Variants in SCX observed in about 807,000 individuals in gnomAD.
SCX encodes the protein basic helix-loop-helix transcription factor scleraxis.
In SCX, 7 loss-of-function variants were observed where a neutral mutation model predicts 12.2. That is an observed-to-expected ratio of 0.57 (90% CI 0.33 to 1.08). The LOEUF (loss-of-function observed/expected upper bound fraction) is 1.08. Ranked by LOEUF, SCX falls within the 50% of genes least tolerant of loss-of-function variation. The pLI, the probability that SCX is intolerant of heterozygous loss-of-function variation, is 0.04. For missense variants in SCX, 342 were observed against 337.2 expected, an observed-to-expected ratio of 1.01 and a Z score of -0.11; for synonymous variants, 193 against 163.9, an observed-to-expected ratio of 1.18 and a Z score of -1.36.
In SCX at chr8:144,266,525, G is replaced by A. The variant is rs1180344497; in HGVS notation, c.-89G>A. On this transcript the variant is annotated 5_prime_UTR_variant, in exon 1 of 2. Transcript: ENST00000567180. ...GGGCGCAGCCGAGACCCCGCGCCTC[G>A]CCCCGGCCGGCCCGCGAGGCCCGCG... is the stretch of plus-strand genomic sequence containing the variant. 1.1e-5 allele frequency: 11 copies of A among 990,400 alleles called. No individual in the cohort carries two copies. Among genetic ancestry groups the A allele is most frequent in the African/African-American group, 1.8e-5 (1 of 56,836 alleles). The allele number at this position is 990,400 out of a possible 1,614,324, so 61.4% of individuals were successfully genotyped here. A position where few individuals can be genotyped will look rare whatever the true frequency, so the allele number is the denominator to read the frequency against.
Position 144,268,286 on chromosome 8 carries a change from GC to G in SCX, c.*146del. Reference sequence around the variant, plus strand: ...CAGGCCAGCCCTGGCTGCGAGCGGGGCCGAGGGACAGACGGACGTACAGACA... The same window carrying G: ...CAGGCCAGCCCTGGCTGCGAGCGGGGCGAGGGACAGACGGACGTACAGACA... On this transcript the variant is annotated 3_prime_UTR_variant, in exon 2 of 2. Coordinates refer to ENST00000567180, the MANE Select transcript of SCX (RefSeq NM_001080514.3). The G allele has an allele frequency of 8.0e-7, 1 of 1,243,194 alleles. No individual in the cohort carries two copies. The highest frequency in any genetic ancestry group is 2.5e-5 in the East Asian group (1 of 39,240). The allele number at this position is 1,243,194 out of a possible 1,614,324, so 77.0% of individuals were successfully genotyped here.
Position 144,268,092 on chromosome 8 carries a change from TCCC to T in SCX, c.568-10_568-8del. ...TCTGCCGGGGCCTGACACTCCTCCC[TCCC>T]CTCTGCAGAGCAAGGACCGCGACAG... On this transcript the variant is annotated splice_polypyrimidine_tract_variant and intron_variant, in intron 1 of 1. Coordinates refer to ENST00000567180, the MANE Select transcript of SCX (RefSeq NM_001080514.3). 1 of 1,550,394 alleles carries T rather than the reference TCCC, an allele frequency of 6.4e-7. No homozygotes were observed. Among genetic ancestry groups the T allele is most frequent in the Non-Finnish European group, 8.7e-7 (1 of 1,146,960 alleles).
At position 144,266,836 on chromosome 8, in the gene SCX, C is replaced by A. The variant is rs1371818907; in HGVS notation, c.223C>A (p.Arg75=). The stretch of plus-strand genomic sequence containing the variant: ...AGGGGGCCGGCCAGGCCGTGAGCCC[C>A]GGCAGCGGCACACGGCGAACGCGCG... ...GPGGRPGREP[R]QRHTANARER... Residue 75 remains arginine, a synonymous_variant, in exon 1 of 2, where the codon CGG becomes AGG. Coordinates refer to ENST00000567180, the MANE Select transcript of SCX (RefSeq NM_001080514.3). 7,038 of 1,314,998 alleles carry A rather than the reference C, an allele frequency of 5.4e-3. 24 individuals carry two copies. The highest frequency in any genetic ancestry group is 6.6e-3 in the Non-Finnish European group (6,713 of 1,019,294). 81.5% of individuals were successfully genotyped at this position (1,314,998 alleles called of 1,614,324 possible). A position where few individuals can be genotyped will look rare whatever the true frequency, so the allele number is the denominator to read the frequency against.
Position 144,266,730 on chromosome 8 carries a change from C to A in SCX, c.117C>A (p.Pro39=). The change falls in exon 1 of 2, where the codon CCC becomes CCA. Residue 39 remains proline (P), a synonymous_variant. Transcript: ENST00000567180. The stretch of plus-strand genomic sequence containing the variant: ...ACAGCTCGGGCTCCGACGAGAAACC[C>A]TGTCGCGTGCACGCGGCGCGCTGCG... ...GSDSSGSDEK[P]CRVHAARCGL... 8.9e-7 allele frequency: 1 copy of A among 1,125,726 alleles called. No homozygotes were observed. The highest frequency in any genetic ancestry group is 1.1e-6 in the Non-Finnish European group (1 of 909,148). 69.7% of individuals were successfully genotyped at this position (1,125,726 alleles called of 1,614,324 possible).
At position 144,266,955 on chromosome 8, in the gene SCX, T is replaced by C; in HGVS notation, c.342T>C (p.Ile114=). ...CCGCCGACCGCAAGCTCTCCAAGAT[T>C]GAGACGCTGCGCCTGGCCTCCAGCT... ...TEPADRKLSK[I]ETLRLASSYI... Residue 114 remains isoleucine, a synonymous_variant, in exon 1 of 2, where the codon ATT becomes ATC. Transcript: ENST00000567180. 6.4e-7 allele frequency: 1 copy of C among 1,558,764 alleles called. No individual in the cohort carries two copies. Among genetic ancestry groups the C allele is most frequent in the Non-Finnish European group, 8.6e-7 (1 of 1,158,722 alleles).
Position 144,268,279 on chromosome 8 carries a change from G to C in SCX, c.*137G>C. The C allele has an allele frequency of 2.3e-6, 3 of 1,285,816 alleles. No individual in the cohort carries two copies. Among genetic ancestry groups the C allele is most frequent in the Non-Finnish European group, 3.2e-6 (3 of 928,004 alleles). 79.7% of individuals were successfully genotyped at this position (1,285,816 alleles called of 1,614,324 possible). ...ATGCCCCCAGGCCAGCCCTGGCTGC[G>C]AGCGGGGCCGAGGGACAGACGGACG... is the stretch of plus-strand genomic sequence containing the variant. On this transcript the variant is annotated 3_prime_UTR_variant, in exon 2 of 2. Coordinates refer to ENST00000567180, the MANE Select transcript of SCX (RefSeq NM_001080514.3).
In SCX at chr8:144,267,056, CCTT is replaced by C; in HGVS notation, c.448_450del (p.Phe150del). The stretch of plus-strand genomic sequence containing the variant: ...GGACAGCCCTGCCACTCCGGGCCCG[CCTT>C]CTTCCACGCGGCGCGCGCCGGCAGC... On this transcript the variant is annotated inframe_deletion, in exon 1 of 2. Transcript: ENST00000567180. 4 of 1,481,876 alleles carry C rather than the reference CCTT, an allele frequency of 2.7e-6. No homozygotes were observed. Among genetic ancestry groups the C allele is most frequent in the Non-Finnish European group, 2.7e-6 (3 of 1,121,350 alleles). The allele number at this position is 1,481,876 out of a possible 1,614,324, so 91.8% of individuals were successfully genotyped here.
In SCX at chr8:144,267,186, C is replaced by T. The variant is rs1033946636; in HGVS notation, c.567+6C>T. On this transcript the variant is annotated splice_donor_region_variant and intron_variant, in intron 1 of 1. Coordinates refer to ENST00000567180, the MANE Select transcript of SCX (RefSeq NM_001080514.3). ...TCAGCAACCAGAGAAAGTTGGTGAG[C>T]ACGGGCCGTGGGGCGCCGAGGGGGG... is the stretch of plus-strand genomic sequence containing the variant. The T allele has an allele frequency of 3.5e-5, 53 of 1,520,616 alleles. No homozygotes were observed. The highest frequency in any genetic ancestry group is 1.9e-4 in the Admixed American group (9 of 47,942). The allele number at this position is 1,520,616 out of a possible 1,614,324, so 94.2% of individuals were successfully genotyped here.
Position 144,268,106 on chromosome 8 carries a change from C to G in SCX, c.570C>G (p.Ser190Arg). ...TFCLSNQRKL[S>R]KDRDRKTAIR... ...ACACTCCTCCCTCCCCTCTGCAGAG[C>G]AAGGACCGCGACAGAAAGACAGCGA... Residue 190 changes from serine to arginine, a missense_variant and splice_region_variant, in exon 2 of 2, where the codon AGC (serine) becomes AGG (arginine). Ser to Arg is a moderately radical substitution (Grantham distance 110). Coordinates refer to ENST00000567180, the MANE Select transcript of SCX (RefSeq NM_001080514.3). The G allele has an allele frequency of 6.4e-7, 1 of 1,551,192 alleles. No individual in the cohort carries two copies. The highest frequency in any genetic ancestry group is 8.7e-7 in the Non-Finnish European group (1 of 1,147,262).
intron 1 of SCX, among the ~76,000 whole-genome samples, chr8:144,267,685 C>A (rs910929756): frequency 6.6e-6 from 1 of 152,002 alleles, no homozygotes; most frequent in South Asian, 2.1e-4. Context: ...TAGGGCTGCC[C>A]GAGACGTGGG....
In SCX at chr8:144,267,084, C is replaced by T; in HGVS notation, c.471C>T (p.Ser157=). ...PAFFHAARAG[S]PPPPPPPPPA... Reference sequence around the variant, plus strand: ...TCTTCCACGCGGCGCGCGCCGGCAGCCCCCCGCCGCCGCCCCCGCCGCCTC... The same window carrying T: ...TCTTCCACGCGGCGCGCGCCGGCAGTCCCCCGCCGCCGCCCCCGCCGCCTC... Residue 157 remains serine (S), a synonymous_variant, in exon 1 of 2, where the codon AGC becomes AGT. Coordinates refer to ENST00000567180, the MANE Select transcript of SCX (RefSeq NM_001080514.3). The T allele has an allele frequency of 7.3e-7, 1 of 1,370,760 alleles. No individual in the cohort carries two copies. The highest frequency in any genetic ancestry group is 1.5e-5 in the African/African-American group (1 of 65,396). 84.9% of individuals were successfully genotyped at this position (1,370,760 alleles called of 1,614,324 possible).
chr8:144,267,226 C>G, intron 1 of SCX, 46 bp downstream of exon 1: 1 of 1,478,374 alleles, frequency 6.8e-7, no homozygotes, highest in East Asian at 2.7e-5. Context: ...CAACGCGCCC[C>G]TCAGCCCACA....
chr8:144,268,150 C>G lies in SCX; in HGVS notation c.*8C>G. ...ACAGCGATTCGCAGTTAGGAGGTGG[C>G]CGGCAGCAGCCAGGAGGCAGACGCT... On this transcript the variant is annotated 3_prime_UTR_variant, in exon 2 of 2. Coordinates refer to ENST00000567180, the MANE Select transcript of SCX (RefSeq NM_001080514.3). The G allele has an allele frequency of 6.4e-7, 1 of 1,550,902 alleles. No homozygotes were observed. Among genetic ancestry groups the G allele is most frequent in the Non-Finnish European group, 8.7e-7 (1 of 1,147,222 alleles).
In SCX at chr8:144,266,956, G is replaced by A; in HGVS notation, c.343G>A (p.Glu115Lys). Reference protein sequence around the residue: ...EPADRKLSKIETLRLASSYIS... With the variant: ...EPADRKLSKIKTLRLASSYIS... ...CGCCGACCGCAAGCTCTCCAAGATT[G>A]AGACGCTGCGCCTGGCCTCCAGCTA... The change falls in exon 1 of 2, where the codon GAG becomes AAG. Residue 115 changes from glutamate to lysine, a missense_variant. This residue lies in a region of SCX where 161 missense variants were observed against 155.7 expected (regional missense o/e 1.03). Coordinates refer to ENST00000567180, the MANE Select transcript of SCX (RefSeq NM_001080514.3). 1 of 1,559,616 alleles carries A rather than the reference G, an allele frequency of 6.4e-7. No individual in the cohort carries two copies. The highest frequency in any genetic ancestry group is 8.6e-7 in the Non-Finnish European group (1 of 1,159,004).
In SCX at chr8:144,266,719, G is replaced by A; in HGVS notation, c.106G>A (p.Asp36Asn). 8.4e-7 allele frequency: 1 copy of A among 1,196,074 alleles called. No individual in the cohort carries two copies. The highest frequency in any genetic ancestry group is 1.6e-5 in the South Asian group (1 of 60,970). The allele number at this position is 1,196,074 out of a possible 1,614,324, so 74.1% of individuals were successfully genotyped here. Residue 36 changes from aspartate to asparagine, a missense_variant, in exon 1 of 2, where the codon GAC becomes AAC. Coordinates refer to ENST00000567180, the MANE Select transcript of SCX (RefSeq NM_001080514.3). Reference sequence around the variant, plus strand: ...CCGCGGCAGCGACAGCTCGGGCTCCGACGAGAAACCCTGTCGCGTGCACGC... The same window carrying A: ...CCGCGGCAGCGACAGCTCGGGCTCCAACGAGAAACCCTGTCGCGTGCACGC... ...EDRGSDSSGS[D>N]EKPCRVHAAR...
In SCX at chr8:144,266,596, C is replaced by T; in HGVS notation, c.-18C>T. On this transcript the variant is annotated 5_prime_UTR_variant, in exon 1 of 2. Transcript: ENST00000567180. ...GAGCAGCGCGCGACAGAGCTGACGC[C>T]GCGCCCCCGCCGGCCCCATGTCCTT... The T allele has an allele frequency of 9.0e-7, 1 of 1,106,834 alleles. No homozygotes were observed. The highest frequency in any genetic ancestry group is 1.1e-6 in the Non-Finnish European group (1 of 902,078). The allele number at this position is 1,106,834 out of a possible 1,614,324, so 68.6% of individuals were successfully genotyped here. A position where few individuals can be genotyped will look rare whatever the true frequency, so the allele number is the denominator to read the frequency against.
intron 1 of SCX, 62 bp from the exon 2 acceptor site, chr8:144,268,042 A>G: frequency 6.5e-7 from 1 of 1,548,770 alleles, no homozygotes; most frequent in Non-Finnish European, 8.7e-7. Context: ...CAGGGAGGCC[A>G]GAGAGGCGCA....
At position 144,268,107 on chromosome 8, in the gene SCX, A is replaced by C. The variant is rs1411112411; in HGVS notation, c.571A>C (p.Lys191Gln). Reference protein sequence around the residue: ...FCLSNQRKLSKDRDRKTAIRS With the variant: ...FCLSNQRKLSQDRDRKTAIRS The stretch of plus-strand genomic sequence containing the variant: ...CACTCCTCCCTCCCCTCTGCAGAGC[A>C]AGGACCGCGACAGAAAGACAGCGAT... Residue 191 changes from lysine to glutamine, a missense_variant, in exon 2 of 2, where the codon AAG becomes CAG. Around this residue, in one of 3 missense-constraint regions of SCX, gnomAD observed 161 missense variants for 155.7 expected, o/e 1.03. Transcript: ENST00000567180. 6.4e-7 allele frequency: 1 copy of C among 1,551,094 alleles called. No homozygotes were observed. Among genetic ancestry groups the C allele is most frequent in the Non-Finnish European group, 8.7e-7 (1 of 1,147,264 alleles).
intron 1 of SCX, among the ~76,000 whole-genome samples, chr8:144,267,471 G>A (rs1178942162): frequency 1.3e-5 from 2 of 152,258 alleles, no homozygotes; most frequent in Admixed American, 6.5e-5. Context: ...AGGCTGGGGA[G>A]CTGGACCAGG....
Sources: gnomAD v4.1 joint callset for allele counts (sites outside exome capture counted in the v4.1 genomes callset) on GRCh38, gnomAD v4.1.1 for gene constraint, gnomAD v4.1.1 regional missense constraint, MANE v1.5 for transcripts, NCBI Gene and HGNC (gene_info 2026-07-23, HGNC 2026-07-21) for gene names.